The following GALNT5 variants were observed in gnomAD, a reference collection of about 807,000 sequenced individuals.
The protein encoded by GALNT5 is polypeptide N-acetylgalactosaminyltransferase 5.
Under a neutral mutation model 85.4 loss-of-function variants are expected in GALNT5, and 72 were observed. That is an observed-to-expected ratio of 0.84 (90% CI 0.70 to 1.03). The LOEUF (loss-of-function observed/expected upper bound fraction) is 1.03, where lower values mean the gene tolerates loss of function less well. Among genes scored for constraint, GALNT5 ranks in the 50% least tolerant of loss-of-function variants. GALNT5 has a pLI of 0.00. For synonymous variants in GALNT5, 404 were observed against 397.0 expected, an observed-to-expected ratio of 1.02 and a Z score of -0.21; for missense variants, 1,137 against 1,135.5, an observed-to-expected ratio of 1.00 and a Z score of -0.02.
chr2:157,284,560 G>A lies in GALNT5; in HGVS notation c.1621+112G>A, dbSNP rs954223280. 37 of 771,950 alleles carry A rather than the reference G, an allele frequency of 4.8e-5. 1 individual carries two copies. The highest frequency in any genetic ancestry group is 2.3e-4 in the South Asian group (14 of 60,954). 47.8% of individuals were successfully genotyped at this position (771,950 alleles called of 1,614,324 possible). ...GATAATTTGATGAAGCATAAACATC[G>A]TACAAATGCTTTGTTTTACGTGGAG... On this transcript the variant is annotated intron_variant, in intron 2 of 9. Coordinates refer to ENST00000259056, the MANE Select transcript of GALNT5 (RefSeq NM_014568.3).
rs1683294172 is a variant in GALNT5 at position 157,299,538 on chromosome 2, C to T, written c.1998-10C>T. On this transcript the variant is annotated splice_polypyrimidine_tract_variant and intron_variant, in intron 5 of 9. Coordinates refer to ENST00000259056, the MANE Select transcript of GALNT5 (RefSeq NM_014568.3). ...ATGCAAGTTTAAAAAACAAACTTTT[C>T]TTTTTGTAGGTGCCCTGTCATGGCT... 2 of 1,540,928 alleles carry T rather than the reference C, an allele frequency of 1.3e-6. No individual in the cohort carries two copies. Among genetic ancestry groups the T allele is most frequent in the Admixed American group, 1.8e-5 (1 of 56,490 alleles).
At position 157,288,913 on chromosome 2, in the gene GALNT5, A is replaced by C. The variant is rs150207646; in HGVS notation, c.1741+2779A>C. Among the ~76,000 whole-genome samples, 991 of 152,292 alleles carry C rather than the reference A, an allele frequency of 6.5e-3. 9 individuals are homozygous for C. Among genetic ancestry groups the C allele is most frequent in the African/African-American group, 0.023 (946 of 41,560 alleles). ...GAACGTATAGGACTTGCCGTCAGATAAGATGTGAAGAGAATAAGAATGACA... is the reference window on the plus strand; with the variant it reads ...GAACGTATAGGACTTGCCGTCAGATCAGATGTGAAGAGAATAAGAATGACA... On this transcript the variant is annotated intron_variant, in intron 3 of 9. Transcript: ENST00000259056.
intron 1 of GALNT5, among the ~76,000 whole-genome samples, chr2:157,276,332 G>T (rs1682725954): frequency 6.6e-6 from 1 of 152,160 alleles, no homozygotes; most frequent in Non-Finnish European, 1.5e-5. Context: ...GATGATGCTG[G>T]CCTCATAAAA....
At chr2:157,262,636 AC>A (rs1175975949) in intron 1 of GALNT5, among the ~76,000 whole-genome samples, 1 of 131,802 alleles carries the variant, frequency 7.6e-6, no homozygotes, top group African/African-American at 3.8e-5. Context: ...GTCTCAGAAA[AC>A]AACAACAACA....
intron 3 of GALNT5, 39 bp from the exon 4 acceptor site, chr2:157,295,624 C>CTTCTA (rs755476068): frequency 1.3e-6 from 2 of 1,556,484 alleles, no homozygotes; most frequent in Non-Finnish European, 1.8e-6. Context: ...TTCAATATAT[C>CTTCTA]GTATTTTCTA....
chr2:157,301,387 G>A (rs4664867), intron 7 of GALNT5: 221,473 of 238,968 alleles, frequency 0.93, 102,878 homozygotes, highest in Middle Eastern at 0.97. Context: ...ACAGGCCACA[G>A]TTGATGACTC....
At position 157,292,762 on chromosome 2, in the gene GALNT5, G is replaced by C. The variant is rs1050963413; in HGVS notation, c.1742-2901G>C. On this transcript the variant is annotated intron_variant, in intron 3 of 9. Coordinates refer to ENST00000259056, the MANE Select transcript of GALNT5 (RefSeq NM_014568.3). ...TGCTGTGTCACCAGGCTGGAGTGCA[G>C]TGCCGTGATCTCTGCTCACTGCAAC... is the stretch of plus-strand genomic sequence containing the variant. Among the ~76,000 whole-genome samples the C allele has an allele frequency of 3.3e-5, 5 of 151,856 alleles. No homozygotes were observed. The South Asian group carries it at 1.0e-3, about 31-fold the overall frequency.
At chr2:157,298,044 T>C (rs1683253795) in intron 5 of GALNT5, among the ~76,000 whole-genome samples, 1 of 152,186 alleles carries the variant, frequency 6.6e-6, no homozygotes, top group African/African-American at 2.4e-5. Flanking sequence ...TCAGATAACA[T>C]ATAAAGTGCT....
At chr2:157,284,471 C>A in intron 2 of GALNT5, 23 bp downstream of exon 2, 1 of 1,603,952 alleles carries the variant, frequency 6.2e-7, no homozygotes, top group Middle Eastern at 1.7e-4. Context: ...CTCAGGCTAT[C>A]TCTTGAAATT....
chr2:157,286,084 A>G lies in GALNT5; in HGVS notation c.1691A>G (p.Glu564Gly). ...AAAGTTCGGATTCTTCGCCTCAAAG[A>G]GAGACATGGCTTAATAAGGGCCAGG... ...FPKVRILRLK[E>G]RHGLIRARLA... is the part of the protein sequence containing the mutation. Residue 564 changes from glutamate (E) to glycine (G), a missense_variant, in exon 3 of 10, where the codon GAG (glutamate) becomes GGG (glycine). Transcript: ENST00000259056. 1 of 1,612,234 alleles carries G rather than the reference A, an allele frequency of 6.2e-7. No individual in the cohort carries two copies. Among genetic ancestry groups the G allele is most frequent in the Non-Finnish European group, 8.5e-7 (1 of 1,178,276 alleles).
intron 1 of GALNT5, 129 bp downstream of exon 1, chr2:157,259,665 A>C (rs544771516): frequency 1.6e-6 from 1 of 619,778 alleles, no homozygotes; most frequent in African/African-American, 1.9e-5. Flanking sequence ...TAATCATTGG[A>C]TATCATTCAA....
intron 1 of GALNT5, among the ~76,000 whole-genome samples, chr2:157,272,227 G>A (rs1456018357): frequency 6.6e-6 from 1 of 151,872 alleles, no homozygotes; most frequent in African/African-American, 2.4e-5. Flanking sequence ...TTCTGTCCAT[G>A]TCTACTCAAC....
chr2:157,259,867 T>C (rs962662784), intron 1 of GALNT5, among the ~76,000 whole-genome samples: 1 of 152,218 alleles, frequency 6.6e-6, no homozygotes, highest in Admixed American at 6.5e-5. Flanking sequence ...TGTAATTCCA[T>C]TAGAATAGTG....
intron 3 of GALNT5, among the ~76,000 whole-genome samples, chr2:157,293,292 A>G (rs1683137295): frequency 6.6e-6 from 1 of 152,192 alleles, no homozygotes; most frequent in African/African-American, 2.4e-5. Flanking sequence ...GTGACAGCTC[A>G]CTGTCTGCTT....
At chr2:157,274,533 G>C (rs974458216) in intron 1 of GALNT5, among the ~76,000 whole-genome samples, 6 of 152,238 alleles carry the variant, frequency 3.9e-5, no homozygotes, top group Non-Finnish European at 7.3e-5. Flanking sequence ...TAACTGGTGT[G>C]AGATGGTATC....
At chr2:157,286,170 T>A in intron 3 of GALNT5, 36 bp downstream of exon 3, 1 of 1,561,042 alleles carries the variant, frequency 6.4e-7, no homozygotes. Flanking sequence ...TGTTACATTT[T>A]TATTTTAATT....
At chr2:157,303,699 C>T (rs1389639692) in intron 7 of GALNT5, among the ~76,000 whole-genome samples, 2 of 152,014 alleles carry the variant, frequency 1.3e-5, no homozygotes, top group Non-Finnish European at 2.9e-5. Flanking sequence ...AAATAGTTTC[C>T]TCAGTAATTT....
intron 1 of GALNT5, among the ~76,000 whole-genome samples, chr2:157,273,161 T>C (rs1682629370): frequency 6.6e-6 from 1 of 152,214 alleles, no homozygotes; most frequent in African/African-American, 2.4e-5. Context: ...TGGGAAACTT[T>C]AGTCTCATCA....
Position 157,314,983 on chromosome 2 carries a change from C to CA in GALNT5, c.*3636dup, listed in dbSNP as rs919577852. Among the ~76,000 whole-genome samples, 6 of 152,066 alleles carry CA rather than the reference C, an allele frequency of 3.9e-5. No homozygotes were observed. The highest frequency in any genetic ancestry group is 1.5e-4 in the African/African-American group (6 of 41,378). The stretch of plus-strand genomic sequence containing the variant: ...ATCCCAGCTACCTGGGAGGCTGAAG[C>CA]AGGAGAATTGCTTGTACCCGGGAGG... On this transcript the variant is annotated 3_prime_UTR_variant, in exon 10 of 10. Coordinates refer to ENST00000259056, the MANE Select transcript of GALNT5 (RefSeq NM_014568.3).
Sources: allele counts gnomAD v4.1 joint callset (sites outside exome capture counted in the v4.1 genomes callset), GRCh38; gene constraint gnomAD v4.1.1; transcripts MANE v1.5; gene names NCBI Gene and HGNC (gene_info 2026-07-23, HGNC 2026-07-21).